PAPPA2: variants seen among roughly 807,000 people sequenced by gnomAD.
PAPPA2 encodes the protein pappalysin 2.
Under a neutral mutation model 176.4 loss-of-function variants are expected in PAPPA2, and 86 were observed. The observed-to-expected ratio is 0.49, with a 90% CI of 0.41 to 0.58. The LOEUF (loss-of-function observed/expected upper bound fraction) is 0.58, where lower values mean the gene tolerates loss of function less well. Ranked by LOEUF, PAPPA2 falls within the 20% of genes least tolerant of loss-of-function variation. The probability of loss-of-function intolerance (pLI) is 0.00; values close to 1 mark genes in which losing one functional copy is unlikely to be tolerated. For missense variants in PAPPA2, 2,073 were observed against 2,256.9 expected (o/e 0.92, Z 1.65); for synonymous variants, 809 against 852.2 (o/e 0.95, Z 0.88).
chr1:176,594,402 C>CCT lies in PAPPA2; in HGVS notation c.920-122_920-121insCT, dbSNP rs530089376. ...CATCTCAGGTGAGAAATCTGTGTCGCTTACTTTATTCCCCATTAAAAACCT... is the reference window on the plus strand; with the variant it reads ...CATCTCAGGTGAGAAATCTGTGTCGCCTTTACTTTATTCCCCATTAAAAACCT... On this transcript the variant is annotated intron_variant, in intron 2 of 22. Coordinates refer to ENST00000367662, the MANE Select transcript of PAPPA2 (RefSeq NM_020318.3). 7.8e-3 allele frequency: 6,355 copies of CCT among 819,468 alleles called. 43 individuals are homozygous for CCT. The highest frequency in any genetic ancestry group is 0.015 in the Middle Eastern group (43 of 2,942). The allele number at this position is 819,468 out of a possible 1,614,324, so 50.8% of individuals were successfully genotyped here. A position where few individuals can be genotyped will look rare whatever the true frequency, so the allele number is the denominator to read the frequency against.
At chr1:176,660,478 TAC>T (rs763730927) in intron 3 of PAPPA2, among the ~76,000 whole-genome samples, 6 of 152,102 alleles carry the variant, frequency 3.9e-5, no homozygotes, top group Non-Finnish European at 8.8e-5. Context: ...TTGACAAACT[TAC>T]ATCGTATGAA....
rs1653886803 is a variant in PAPPA2, at chr1:176,595,042, G to A, written c.1438G>A (p.Val480Ile). The A allele has an allele frequency of 6.2e-7, 1 of 1,614,040 alleles. No individual in the cohort carries two copies. Among genetic ancestry groups the A allele is most frequent in the African/African-American group, 1.3e-5 (1 of 74,908 alleles). ...AGATGAGAAGTACCCACGACTTGAG[G>A]TTCTCCAGGGCTTTGAGCCAGAGCC... ...FRDEKYPRLE[V>I]LQGFEPEPEI... Residue 480 changes from valine to isoleucine, a missense_variant, in exon 3 of 23, where the codon GTT becomes ATT. Val to Ile is a conservative substitution (Grantham distance 29). Transcript: ENST00000367662.
At chr1:176,819,560 T>G (rs558762376) in intron 21 of PAPPA2, among the ~76,000 whole-genome samples, 52 of 152,326 alleles carry the variant, frequency 3.4e-4, no homozygotes, top group Non-Finnish European at 6.6e-4. Flanking sequence ...ATACAGTTCT[T>G]TTGGCTCTCA....
intron 1 of PAPPA2, among the ~76,000 whole-genome samples, chr1:176,485,285 G>A (rs1652595672): frequency 6.6e-6 from 1 of 152,088 alleles, no homozygotes; most frequent in African/African-American, 2.4e-5. Context: ...TGGCTTTCAA[G>A]TCCCTAATGA....
intron 2 of PAPPA2, among the ~76,000 whole-genome samples, chr1:176,563,989 TC>T (rs1369903632): frequency 6.6e-6 from 1 of 152,188 alleles, no homozygotes; most frequent in Non-Finnish European, 1.5e-5. Context: ...CTCTTTTTTT[TC>T]CTTCAGAGTC....
intron 1 of PAPPA2, among the ~76,000 whole-genome samples, chr1:176,544,598 A>G (rs371096445): frequency 2.1e-4 from 32 of 152,246 alleles, no homozygotes; most frequent in East Asian, 9.7e-4. Context: ...CAATTCTTCA[A>G]TTCTCTGTGG....
At chr1:176,728,385 A>C (rs1661980546) in intron 12 of PAPPA2, among the ~76,000 whole-genome samples, 1 of 151,976 alleles carries the variant, frequency 6.6e-6, no homozygotes, top group Non-Finnish European at 1.5e-5. Flanking sequence ...AAATGTGCTG[A>C]CTAATTTAAA....
At chr1:176,578,743 G>A (rs759477098) in intron 2 of PAPPA2, among the ~76,000 whole-genome samples, 1 of 152,140 alleles carries the variant, frequency 6.6e-6, no homozygotes, top group Non-Finnish European at 1.5e-5. Flanking sequence ...AGAGAGATAC[G>A]TATTGATAAC....
At chr1:176,603,146 A>C (rs1047166431) in intron 3 of PAPPA2, among the ~76,000 whole-genome samples, 3 of 152,270 alleles carry the variant, frequency 2.0e-5, no homozygotes, top group Non-Finnish European at 4.4e-5. Flanking sequence ...CCCAGTCTCC[A>C]AATACACTCA....
rs543075976 is a variant in PAPPA2 at position 176,537,209 on chromosome 1, C to G, written c.-916-18198C>G. 12 of 152,284 alleles carry G rather than the reference C, an allele frequency of 7.9e-5. No homozygotes were observed. The South Asian group carries it at 1.7e-3, about 21-fold the overall frequency. 9.4% of individuals were successfully genotyped at this position (152,284 alleles called of 1,614,324 possible). ...CATGTTGTTGAAATAATTTTGTACT[C>G]TAATTGCTCCTTTGCTCTGAGTATA... On this transcript the variant is annotated intron_variant, in intron 1 of 22. Coordinates refer to ENST00000367662, the MANE Select transcript of PAPPA2 (RefSeq NM_020318.3).
At chr1:176,465,663 G>A (rs1473824260) in intron 1 of PAPPA2, among the ~76,000 whole-genome samples, 1 of 141,776 alleles carries the variant, frequency 7.1e-6, no homozygotes, top group Non-Finnish European at 1.5e-5. Context: ...TAACTTTTAA[G>A]TTCAGGAGTA....
chr1:176,483,709 T>C (rs1217715182), intron 1 of PAPPA2, among the ~76,000 whole-genome samples: 1 of 152,010 alleles, frequency 6.6e-6, no homozygotes, highest in East Asian at 1.9e-4. Context: ...GACCTTGTGA[T>C]CCACCCACCT....
At chr1:176,502,752 C>CAATA (rs1416779748) in intron 1 of PAPPA2, among the ~76,000 whole-genome samples, 10 of 152,088 alleles carry the variant, frequency 6.6e-5, no homozygotes, top group Admixed American at 6.6e-4. Flanking sequence ...GAAACATGAC[C>CAATA]TATTATTGGA....
intron 1 of PAPPA2, among the ~76,000 whole-genome samples, chr1:176,475,448 G>A (rs2102470870): frequency 6.6e-6 from 1 of 152,270 alleles, no homozygotes; most frequent in Middle Eastern, 3.4e-3. Flanking sequence ...CCTTACAGGA[G>A]GAAGGTCTAC....
intron 3 of PAPPA2, among the ~76,000 whole-genome samples, chr1:176,596,514 A>G (rs1653994920): frequency 6.6e-6 from 1 of 152,150 alleles, no homozygotes; most frequent in Admixed American, 6.5e-5. Context: ...GCCTTTCCTA[A>G]TCCCTCAAAT....
intron 1 of PAPPA2, among the ~76,000 whole-genome samples, chr1:176,525,081 A>G (rs1167809218): frequency 2.6e-5 from 4 of 152,148 alleles, no homozygotes; most frequent in Non-Finnish European, 4.4e-5. Context: ...TAGGAGCATT[A>G]TACAGGACAC....
chr1:176,566,874 G>A (rs1325319624), intron 2 of PAPPA2, among the ~76,000 whole-genome samples: 1 of 152,058 alleles, frequency 6.6e-6, no homozygotes, highest in Non-Finnish European at 1.5e-5. Flanking sequence ...ACTTTATTTG[G>A]TGTTTACTAA....
rs767738607 is a variant in PAPPA2 at position 176,769,684 on chromosome 1, C to T, written c.4401C>T (p.Pro1467=). 61 of 1,613,854 alleles carry T rather than the reference C, an allele frequency of 3.8e-5. No individual in the cohort carries two copies. Among genetic ancestry groups the T allele is most frequent in the Non-Finnish European group, 4.7e-5 (55 of 1,179,976 alleles). The change falls in exon 16 of 23, where the codon CCC becomes CCT. Residue 1467 remains proline (P), a synonymous_variant. Transcript: ENST00000367662. ...VSCLPVDCGV[P]DPSLVNYANF... Reference sequence around the variant, plus strand: ...GCCTTCCCGTGGACTGCGGTGTTCCCGACCCGTCTTTGGTGAACTATGCAA... The same window carrying T: ...GCCTTCCCGTGGACTGCGGTGTTCCTGACCCGTCTTTGGTGAACTATGCAA...
chr1:176,721,495 G>A (rs1390872289), intron 12 of PAPPA2, among the ~76,000 whole-genome samples: 1 of 152,040 alleles, frequency 6.6e-6, no homozygotes, highest in Non-Finnish European at 1.5e-5. Flanking sequence ...TTTTTGTGTG[G>A]CTAAAATATT....
Sources: gnomAD v4.1 joint callset for allele counts (sites outside exome capture counted in the v4.1 genomes callset) on GRCh38, gnomAD v4.1.1 for gene constraint, MANE v1.5 for transcripts, NCBI Gene and HGNC (gene_info 2026-07-23, HGNC 2026-07-21) for gene names.